Variants in CFAP20DC observed in about 807,000 individuals in gnomAD.
The protein encoded by CFAP20DC is protein CFAP20DC.
Under a neutral mutation model 101.7 loss-of-function variants are expected in CFAP20DC, and 84 were observed. The ratio of observed to expected loss-of-function variants is 0.83; its 90% CI spans 0.69 to 0.99. The LOEUF (loss-of-function observed/expected upper bound fraction) is 0.99, where lower values mean the gene tolerates loss of function less well. Ranked by LOEUF, CFAP20DC falls within the 50% of genes least tolerant of loss-of-function variation. The pLI is 0.00. For synonymous variants in CFAP20DC, 359 were observed against 351.2 expected, an observed-to-expected ratio of 1.02 and a Z score of -0.25; for missense variants, 1,007 against 970.3, an observed-to-expected ratio of 1.04 and a Z score of -0.50.
chr3:58,940,740 T>C (rs1478404716), intron 4 of CFAP20DC, among the ~76,000 whole-genome samples: 5 of 152,234 alleles, frequency 3.3e-5, no homozygotes, highest in African/African-American at 9.6e-5. Context: ...ACTTTAGTTT[T>C]GTTCAAGATT....
chr3:58,792,339 A>C lies in CFAP20DC; in HGVS notation c.2237+14056T>G, dbSNP rs1472887689. Reference sequence around the variant, plus strand: ...ATGGTAAATGCAGTATTTTACTCCGAGTTTCATTGTACCTACTTAAGTAAA... The same window carrying C: ...ATGGTAAATGCAGTATTTTACTCCGCGTTTCATTGTACCTACTTAAGTAAA... On this transcript the variant is annotated intron_variant, in intron 15 of 16. Transcript: ENST00000482387. Among the ~76,000 whole-genome samples, 3 of 152,132 alleles carry C rather than the reference A, an allele frequency of 2.0e-5. No homozygotes were observed. In the East Asian group the frequency reaches 5.8e-4, roughly 29 times the overall value.
chr3:59,049,475 C>A, intron 1 of CFAP20DC, 136 bp downstream of exon 1: 1 of 850,244 alleles, frequency 1.2e-6, no homozygotes, highest in East Asian at 2.6e-5. Context: ...ACAGCATTCA[C>A]CCATTAATTC....
chr3:58,758,903 T>C (rs916380503), intron 15 of CFAP20DC, among the ~76,000 whole-genome samples: 2 of 152,186 alleles, frequency 1.3e-5, no homozygotes, highest in Non-Finnish European at 2.9e-5. Context: ...TTCCATGGTG[T>C]ATATGTGCCA....
intron 4 of CFAP20DC, among the ~76,000 whole-genome samples, chr3:59,031,722 C>A (rs2093998403): frequency 6.6e-6 from 1 of 152,088 alleles, no homozygotes; most frequent in Non-Finnish European, 1.5e-5. Context: ...ATATTGATAG[C>A]TAAAATTCAT....
intron 6 of CFAP20DC, among the ~76,000 whole-genome samples, chr3:58,907,093 TCGTG>T (rs2083667576): frequency 6.9e-6 from 1 of 145,506 alleles, no homozygotes; most frequent in South Asian, 2.1e-4. Context: ...ACTTTGTGCC[TCGTG>T]TGTGTGTGTG....
chr3:58,998,869 G>A (rs183716444), intron 4 of CFAP20DC, among the ~76,000 whole-genome samples: 1 of 152,356 alleles, frequency 6.6e-6, no homozygotes, highest in East Asian at 1.9e-4. Flanking sequence ...ATGGAGACTT[G>A]TGGATTATTT....
At chr3:58,936,689 C>G (rs572372978) in intron 5 of CFAP20DC, among the ~76,000 whole-genome samples, 12 of 152,290 alleles carry the variant, frequency 7.9e-5, no homozygotes, top group Middle Eastern at 3.4e-3. Flanking sequence ...AAACCAAACA[C>G]CGCATGTTCT....
At chr3:58,934,954 A>G (rs537840371) in intron 5 of CFAP20DC, among the ~76,000 whole-genome samples, 1 of 152,244 alleles carries the variant, frequency 6.6e-6, no homozygotes, top group Non-Finnish European at 1.5e-5. Flanking sequence ...AATAAGGGGT[A>G]TTCCATTAGG....
chr3:58,773,900 C>T (rs931256669), intron 15 of CFAP20DC, among the ~76,000 whole-genome samples: 1 of 151,912 alleles, frequency 6.6e-6, no homozygotes, highest in Non-Finnish European at 1.5e-5. Flanking sequence ...TAGCTAAAAT[C>T]TCAGAGGAAA....
rs974427889 is a variant in CFAP20DC, at chr3:58,778,537, A to G, written c.2238-24674T>C. Among the ~76,000 whole-genome samples, 5 of 152,286 alleles carry G rather than the reference A, an allele frequency of 3.3e-5. No homozygotes were observed. In the East Asian group the frequency reaches 9.6e-4, roughly 29 times the overall value. On this transcript the variant is annotated intron_variant, in intron 15 of 16. Transcript: ENST00000482387. Reference sequence around the variant, plus strand: ...CACTTGGGTCCCAGAGAGTTGTTCTACCACTGCTACTACCATCATTTATGC... The same window carrying G: ...CACTTGGGTCCCAGAGAGTTGTTCTGCCACTGCTACTACCATCATTTATGC...
At chr3:58,967,281 T>C (rs757832688) in intron 4 of CFAP20DC, among the ~76,000 whole-genome samples, 7 of 152,198 alleles carry the variant, frequency 4.6e-5, no homozygotes, top group Non-Finnish European at 4.4e-5. Context: ...ATAGTCTTTT[T>C]ACAGTGCTAC....
chr3:58,728,745 G>A lies in CFAP20DC; in HGVS notation c.198-11117C>T, dbSNP rs1425521695. 6.6e-6 allele frequency among the ~76,000 whole-genome samples: 1 copy of A among 152,144 alleles called. No individual in the cohort carries two copies. The highest frequency in any genetic ancestry group is 1.9e-4 in the East Asian group (1 of 5,200). On this transcript the variant is annotated intron_variant, in intron 3 of 3. Coordinates refer to the CFAP20DC transcript ENST00000486145. This position sits in a 1 kb window ranked among gnomAD's most constrained non-coding sequence, Gnocchi z 4.7. ...AGAGAACTGACATTTTAATAATATTGATTCTTCTCATCTATGAACATGGAA... is the reference window on the plus strand; with the variant it reads ...AGAGAACTGACATTTTAATAATATTAATTCTTCTCATCTATGAACATGGAA...
chr3:58,921,121 T>C (rs923287295), intron 5 of CFAP20DC, among the ~76,000 whole-genome samples: 5 of 152,104 alleles, frequency 3.3e-5, no homozygotes, highest in African/African-American at 1.2e-4. Flanking sequence ...ATTCTTGGTA[T>C]TGGCAATGTG....
rs535748666 is a variant in CFAP20DC, at chr3:58,864,209, G to T, written c.1259-317C>A. 6.6e-6 allele frequency among the ~76,000 whole-genome samples: 1 copy of T among 152,092 alleles called. No individual in the cohort carries two copies. The highest frequency in any genetic ancestry group is 1.5e-5 in the Non-Finnish European group (1 of 68,024). On this transcript the variant is annotated intron_variant, in intron 11 of 16. Transcript: ENST00000482387. The surrounding 1 kb of genome is among the most constrained non-coding windows in gnomAD (Gnocchi z 4.7). ...CCTGACTTCATGATCTGCCCGCCTC[G>T]GCCTCCCAAAAAGCTGGGATTACAG...
At chr3:59,036,783 T>G (rs770893210) in intron 4 of CFAP20DC, among the ~76,000 whole-genome samples, 34 of 152,014 alleles carry the variant, frequency 2.2e-4, no homozygotes, top group Non-Finnish European at 4.4e-4. Context: ...AAAAACTACT[T>G]TAAATTTCAT....
Position 58,964,590 on chromosome 3 carries a change from C to G in CFAP20DC, c.279-26828G>C, listed in dbSNP as rs2091399696. 6.6e-6 allele frequency among the ~76,000 whole-genome samples: 1 copy of G among 152,088 alleles called. No individual in the cohort carries two copies. The highest frequency in any genetic ancestry group is 2.4e-5 in the African/African-American group (1 of 41,432). On this transcript the variant is annotated intron_variant, in intron 4 of 16. Transcript: ENST00000482387. This position sits in a 1 kb window ranked among gnomAD's most constrained non-coding sequence, Gnocchi z 4.1. The stretch of plus-strand genomic sequence containing the variant: ...AATCCCCTTTTTAAGAAATAAAGTT[C>G]TCTTTTCTAGACTTATAAATGCTGT...
At chr3:58,832,435 G>C (rs2076462463) in intron 13 of CFAP20DC, among the ~76,000 whole-genome samples, 1 of 151,970 alleles carries the variant, frequency 6.6e-6, no homozygotes, top group African/African-American at 2.4e-5. Context: ...AGTTTTTGTA[G>C]ATTAAGTAAA....
intron 15 of CFAP20DC, among the ~76,000 whole-genome samples, chr3:58,774,859 G>A (rs1575607103): frequency 6.6e-6 from 1 of 152,172 alleles, no homozygotes; most frequent in East Asian, 1.9e-4. Context: ...GCTATATTTT[G>A]TGTGGCCAAA....
rs1458011179 is a variant in CFAP20DC, at chr3:58,971,861, A to G, written c.279-34099T>C. ...GGACTGTAATATCATACACACGCAC[A>G]CATACACACACACACACACACACAC... On this transcript the variant is annotated intron_variant, in intron 4 of 16. Coordinates refer to ENST00000482387, the MANE Select transcript of CFAP20DC (RefSeq NM_001394063.1). The surrounding 1 kb of genome is among the most constrained non-coding windows in gnomAD (Gnocchi z 4.1). 2.1e-5 allele frequency among the ~76,000 whole-genome samples: 3 copies of G among 143,750 alleles called. No homozygotes were observed. The highest frequency in any genetic ancestry group is 8.4e-5 in the African/African-American group (3 of 35,810). The allele number at this position is 143,750 out of a possible 152,430, so 94.3% of individuals were successfully genotyped here. A position where few individuals can be genotyped will look rare whatever the true frequency, so the allele number is the denominator to read the frequency against.
Sources: gnomAD v4.1 joint callset for allele counts (sites outside exome capture counted in the v4.1 genomes callset) on GRCh38, gnomAD v4.1.1 for gene constraint, Gnocchi (gnomAD v3.1) non-coding constraint, MANE v1.5 for transcripts, NCBI Gene and HGNC (gene_info 2026-07-23, HGNC 2026-07-21) for gene names.